Variants in CA8 observed in about 807,000 individuals in gnomAD.
CA8 encodes the protein carbonic anhydrase-related protein.
A neutral mutation model predicts 41.4 loss-of-function variants in CA8; 22 were observed. The ratio of observed to expected loss-of-function variants is 0.53; its 90% CI spans 0.38 to 0.76. The LOEUF (loss-of-function observed/expected upper bound fraction) is 0.76. Ranked by LOEUF, CA8 falls within the 30% of genes least tolerant of loss-of-function variation. The probability of loss-of-function intolerance (pLI) is 0.00; values close to 1 mark genes in which losing one functional copy is unlikely to be tolerated. For missense variants in CA8, 270 were observed against 352.8 expected (o/e 0.77, Z 1.88); for synonymous variants, 121 against 130.6 (o/e 0.93, Z 0.50).
chr8:60,267,856 G>T (rs374822678), intron 2 of CA8, among the ~76,000 whole-genome samples: 21 of 152,306 alleles, frequency 1.4e-4, no homozygotes, highest in African/African-American at 4.6e-4. Context: ...AGAAAGGTTT[G>T]TAGATATTCA....
At chr8:60,275,467 TA>T (rs35948459) in intron 2 of CA8, among the ~76,000 whole-genome samples, 77 of 151,000 alleles carry the variant, frequency 5.1e-4, no homozygotes, top group African/African-American at 1.6e-3. Context: ...GTATTTTTTT[TA>T]AAAAAAAAGG....
At chr8:60,199,391 A>G (rs1228120135) in intron 8 of CA8, among the ~76,000 whole-genome samples, 1 of 152,078 alleles carries the variant, frequency 6.6e-6, no homozygotes, top group Non-Finnish European at 1.5e-5. Flanking sequence ...ATACAATTCC[A>G]CTCCGTGCTC....
intron 3 of CA8, 66 bp from the exon 4 acceptor site, chr8:60,232,445 T>C: frequency 2.8e-6 from 3 of 1,062,876 alleles, no homozygotes; most frequent in Middle Eastern, 2.0e-4. Context: ...AAAGCAAAGA[T>C]ATAGCCATTT....
At chr8:60,258,048 G>A (rs761464615) in intron 3 of CA8, among the ~76,000 whole-genome samples, 4 of 152,096 alleles carry the variant, frequency 2.6e-5, no homozygotes, top group Non-Finnish European at 4.4e-5. Context: ...TGATGAAATC[G>A]CACGCCATGC....
chr8:60,277,932 G>C (rs1047496088), intron 2 of CA8, among the ~76,000 whole-genome samples: 2 of 152,186 alleles, frequency 1.3e-5, no homozygotes, highest in African/African-American at 4.8e-5. Context: ...GGAAAAAAGG[G>C]TTCTGGATCA....
chr8:60,273,509 A>C (rs1363431083), intron 2 of CA8, among the ~76,000 whole-genome samples: 1 of 152,252 alleles, frequency 6.6e-6, no homozygotes, highest in East Asian at 1.9e-4. Context: ...GGGAAAAAGA[A>C]GACGAACAAA....
intron 8 of CA8, among the ~76,000 whole-genome samples, chr8:60,190,432 AAT>A (rs57878452): frequency 0.046 from 4,545 of 98,652 alleles, 76 homozygotes; most frequent in African/African-American, 0.055. Flanking sequence ...ATAAATGCAG[AAT>A]ATATATATAT....
chr8:60,207,928 A>T (rs1022688010), intron 8 of CA8: 1 of 152,060 alleles, frequency 6.6e-6, no homozygotes, highest in Admixed American at 6.6e-5. Context: ...GCTAATTTTT[A>T]AATTGTTTAT....
At chr8:60,221,780 G>A (rs1386853897) in intron 7 of CA8, among the ~76,000 whole-genome samples, 1 of 152,146 alleles carries the variant, frequency 6.6e-6, no homozygotes, top group African/African-American at 2.4e-5. Flanking sequence ...TTAAATGTTG[G>A]AAGAAGGATT....
At chr8:60,214,678 G>T (rs748447330) in intron 7 of CA8, among the ~76,000 whole-genome samples, 2 of 152,148 alleles carry the variant, frequency 1.3e-5, no homozygotes, top group Non-Finnish European at 2.9e-5. Context: ...TGTGCTTCCA[G>T]ATCCCACAGG....
intron 3 of CA8, among the ~76,000 whole-genome samples, chr8:60,251,564 A>G (rs1162284627): frequency 6.6e-6 from 1 of 152,248 alleles, no homozygotes; most frequent in African/African-American, 2.4e-5. Context: ...CTCATGCTCA[A>G]AATCGCAGTT....
At chr8:60,264,771 G>A (rs868314345) in intron 3 of CA8, 10 of 152,128 alleles carry the variant, frequency 6.6e-5, no homozygotes, top group African/African-American at 9.7e-5. Context: ...TAAGGTTCAC[G>A]TCTTTTATTT....
intron 7 of CA8, among the ~76,000 whole-genome samples, chr8:60,215,358 T>TACACACAC (rs144232916): frequency 0.011 from 1,531 of 144,152 alleles, 9 homozygotes; most frequent in Middle Eastern, 0.032. Flanking sequence ...TGTGTGTGTA[T>TACACACAC]ACACACACAC....
chr8:60,244,128 T>G (rs2130530688), intron 3 of CA8, among the ~76,000 whole-genome samples: 1 of 152,312 alleles, frequency 6.6e-6, no homozygotes, highest in Admixed American at 6.5e-5. Context: ...GCCAGAAATC[T>G]CTTCCATCAT....
intron 7 of CA8, 51 bp downstream of exon 7, chr8:60,222,598 C>T: frequency 8.8e-7 from 1 of 1,136,670 alleles, no homozygotes; most frequent in African/African-American, 1.5e-5. Flanking sequence ...TTCTCAGAAA[C>T]AATGTTTAAC....
rs1275107157 is a variant in CA8, at chr8:60,188,605, AG to A, written c.*1415del. The A allele has an allele frequency of 6.6e-6, 1 of 152,242 alleles. No individual in the cohort carries two copies. The highest frequency in any genetic ancestry group is 2.4e-5 in the African/African-American group (1 of 41,452). The allele number at this position is 152,242 out of a possible 1,614,324, so 9.4% of individuals were successfully genotyped here. ...TGGACACTAGGAACTGTTATACACA[AG>A]GGAAGTCCAGGACCTCTCTCCGCTT... On this transcript the variant is annotated 3_prime_UTR_variant, in exon 9 of 9. Coordinates refer to ENST00000317995, the MANE Select transcript of CA8 (RefSeq NM_004056.6).
rs189847998 is a variant in CA8, at chr8:60,189,683, T to C, written c.*338A>G. 6.6e-6 allele frequency: 1 copy of C among 152,662 alleles called. No individual in the cohort carries two copies. The highest frequency in any genetic ancestry group is 6.5e-5 in the Admixed American group (1 of 15,272). 9.5% of individuals were successfully genotyped at this position (152,662 alleles called of 1,614,324 possible). On this transcript the variant is annotated 3_prime_UTR_variant, in exon 9 of 9. Transcript: ENST00000317995. ...TTCCTTTCTCAATATTAACACATGA[T>C]ATATATTCATATTAATAACAACTCT...
chr8:60,273,361 G>A (rs1378130595), intron 2 of CA8, among the ~76,000 whole-genome samples: 1 of 152,222 alleles, frequency 6.6e-6, no homozygotes, highest in African/African-American at 2.4e-5. Flanking sequence ...TTTCTTGTGA[G>A]AAATGGATTT....
At chr8:60,249,571 T>C (rs1344051313) in intron 3 of CA8, among the ~76,000 whole-genome samples, 1 of 152,214 alleles carries the variant, frequency 6.6e-6, no homozygotes, top group Non-Finnish European at 1.5e-5. Flanking sequence ...AAGTAATATT[T>C]CTTAAAAATA....
Sources: allele counts gnomAD v4.1 joint callset (sites outside exome capture counted in the v4.1 genomes callset), GRCh38; gene constraint gnomAD v4.1.1; transcripts MANE v1.5; gene names NCBI Gene and HGNC (gene_info 2026-07-23, HGNC 2026-07-21).